The following ZNF697 variants were observed in gnomAD, a reference collection of about 807,000 sequenced individuals.
ZNF697 encodes zinc finger protein 697.
ZNF697 carries 23 observed loss-of-function variants against 32.4 expected under a neutral mutation model. The observed-to-expected ratio is 0.71, with a 90% CI of 0.51 to 1.01. The LOEUF is 1.01. Among genes scored for constraint, ZNF697 ranks in the 50% least tolerant of loss-of-function variants. ZNF697 has a pLI of 0.00. For missense variants in ZNF697, 930 were observed against 794.0 expected (o/e 1.17, Z -2.06); for synonymous variants, 418 against 337.2 (o/e 1.24, Z -2.62).
In ZNF697 at chr1:119,620,045, C is replaced by CACTT. The variant is rs1309873851; in HGVS notation, c.*2656_*2659dup. ...ACAACCTCCTGAATGCATTTAACCTCACTTAATGCAGGTAAGTTCCCTGAA... is the reference window on the plus strand; with the variant it reads ...ACAACCTCCTGAATGCATTTAACCTCACTTACTTAATGCAGGTAAGTTCCCTGAA... On this transcript the variant is annotated 3_prime_UTR_variant, in exon 3 of 3. Coordinates refer to ENST00000421812, the MANE Select transcript of ZNF697 (RefSeq NM_001080470.2). The CACTT allele has an allele frequency of 2.6e-5, 4 of 152,586 alleles. No individual in the cohort carries two copies. Among genetic ancestry groups the CACTT allele is most frequent in the African/African-American group, 9.7e-5 (4 of 41,424 alleles). The allele number at this position is 152,586 out of a possible 1,614,324, so 9.5% of individuals were successfully genotyped here.
chr1:119,636,834 C>G (rs145263862), intron 1 of ZNF697, among the ~76,000 whole-genome samples: 1 of 152,332 alleles, frequency 6.6e-6, no homozygotes, highest in East Asian at 1.9e-4. Context: ...TGATTTGGGT[C>G]TCCCAGCATC....
At chr1:119,634,340 T>G (rs943205968) in intron 1 of ZNF697, among the ~76,000 whole-genome samples, 2 of 152,200 alleles carry the variant, frequency 1.3e-5, no homozygotes, top group African/African-American at 4.8e-5. Flanking sequence ...AATAACTGTT[T>G]GGTGTTGTTG....
chr1:119,639,245 CT>C (rs1402115725), intron 1 of ZNF697, among the ~76,000 whole-genome samples: 2 of 152,102 alleles, frequency 1.3e-5, no homozygotes, highest in Admixed American at 6.6e-5. Context: ...TCACTTTTCT[CT>C]TTTTTTCAGT....
In ZNF697 at chr1:119,625,996, T is replaced by C; in HGVS notation, c.105A>G (p.Glu35=). 1 of 1,614,044 alleles carries C rather than the reference T, an allele frequency of 6.2e-7. No individual in the cohort carries two copies. The highest frequency in any genetic ancestry group is 8.5e-7 in the Non-Finnish European group (1 of 1,179,900). The part of the protein sequence containing the change: ...EDSEDREGDP[E]EREMGSNPHD... ...GTGGATTAGAGCCCATTTCTCTTTC[T>C]TCTGGGTCCCCTTCCCTGTCCTCAG... The change falls in exon 2 of 3, where the codon GAA becomes GAG. Residue 35 remains glutamate, a synonymous_variant. Coordinates refer to ENST00000421812, the MANE Select transcript of ZNF697 (RefSeq NM_001080470.2).
chr1:119,626,961 A>C (rs1327426316), intron 1 of ZNF697, among the ~76,000 whole-genome samples: 1 of 152,248 alleles, frequency 6.6e-6, no homozygotes, highest in African/African-American at 2.4e-5. Flanking sequence ...CCTCTACAGA[A>C]AAGGCCAACA....
At chr1:119,624,686 C>T (rs1008834640) in intron 2 of ZNF697, among the ~76,000 whole-genome samples, 1 of 152,132 alleles carries the variant, frequency 6.6e-6, no homozygotes, top group Non-Finnish European at 1.5e-5. Context: ...CCTCCGCCTC[C>T]TGGGTTCAAG....
chr1:119,626,333 AC>A (rs1415829356), intron 1 of ZNF697, among the ~76,000 whole-genome samples, 196 bp from the exon 2 acceptor site: 2 of 152,264 alleles, frequency 1.3e-5, no homozygotes, highest in Admixed American at 6.5e-5. Context: ...AACAGTGACA[AC>A]CTCACTATGA....
At chr1:119,633,278 A>C (rs1192321008) in intron 1 of ZNF697, among the ~76,000 whole-genome samples, 1 of 151,922 alleles carries the variant, frequency 6.6e-6, no homozygotes, top group Admixed American at 6.6e-5. Context: ...TAGCCAGATA[A>C]ATTGAGGACA....
In ZNF697 at chr1:119,627,195, A is replaced by C. The variant is rs186670757; in HGVS notation, c.-37-1058T>G. ...GAAGAGACTAGCTCTCTGCCTCAGC[A>C]GTCCCCAAACAGCAAGAACATGGCT... is the stretch of plus-strand genomic sequence containing the variant. On this transcript the variant is annotated intron_variant, in intron 1 of 2. Transcript: ENST00000421812. Among the ~76,000 whole-genome samples, 52 of 152,326 alleles carry C rather than the reference A, an allele frequency of 3.4e-4. No homozygotes were observed. In the East Asian group the frequency reaches 0.01, roughly 29 times the overall value.
rs1326303058 is a variant in ZNF697 at position 119,622,505 on chromosome 1, G to C, written c.*200C>G. ...GCATCTCCTGAACAATTCTTCCGTG[G>C]AGAGGAGGCAAGTATAGCACCGGGA... is the stretch of plus-strand genomic sequence containing the variant. On this transcript the variant is annotated 3_prime_UTR_variant, in exon 3 of 3. Coordinates refer to ENST00000421812, the MANE Select transcript of ZNF697 (RefSeq NM_001080470.2). 1 of 975,612 alleles carries C rather than the reference G, an allele frequency of 1.0e-6. No homozygotes were observed. The highest frequency in any genetic ancestry group is 1.4e-6 in the Non-Finnish European group (1 of 700,820). 60.4% of individuals were successfully genotyped at this position (975,612 alleles called of 1,614,324 possible).
chr1:119,642,581 T>C (rs2101096367), intron 1 of ZNF697, among the ~76,000 whole-genome samples: 1 of 152,280 alleles, frequency 6.6e-6, no homozygotes, highest in African/African-American at 2.4e-5. Context: ...GTAAGCTATC[T>C]TCCCCAGCTT....
At chr1:119,631,288 G>C (rs1360532957) in intron 1 of ZNF697, among the ~76,000 whole-genome samples, 2 of 152,266 alleles carry the variant, frequency 1.3e-5, no homozygotes, top group Admixed American at 1.3e-4. Flanking sequence ...GCGGACCTAA[G>C]CACCTTCCTA....
chr1:119,634,169 T>C (rs1648858101), intron 1 of ZNF697, among the ~76,000 whole-genome samples: 1 of 152,228 alleles, frequency 6.6e-6, no homozygotes, highest in East Asian at 1.9e-4. Context: ...TGTGATCATA[T>C]TTCCACTGTA....
chr1:119,641,031 A>G (rs1232784063), intron 1 of ZNF697, among the ~76,000 whole-genome samples: 1 of 152,244 alleles, frequency 6.6e-6, no homozygotes, highest in Non-Finnish European at 1.5e-5. Context: ...CTGGGAAACA[A>G]ATGAAGGCTC....
chr1:119,640,810 G>C (rs1649046720), intron 1 of ZNF697, among the ~76,000 whole-genome samples: 1 of 152,228 alleles, frequency 6.6e-6, no homozygotes, highest in Admixed American at 6.5e-5. Context: ...AGGCAGGGCA[G>C]GGAGTGCATT....
chr1:119,633,356 A>G (rs929174967), intron 1 of ZNF697, among the ~76,000 whole-genome samples: 7 of 143,138 alleles, frequency 4.9e-5, no homozygotes, highest in African/African-American at 1.8e-4. Flanking sequence ...AACCAATAGG[A>G]TGTGTGTGTG....
rs376187203 is a variant in ZNF697 at position 119,627,206 on chromosome 1, A to G, written c.-37-1069T>C. Among the ~76,000 whole-genome samples, 6 of 152,346 alleles carry G rather than the reference A, an allele frequency of 3.9e-5. No homozygotes were observed. The East Asian group carries it at 9.6e-4, about 24-fold the overall frequency. Reference sequence around the variant, plus strand: ...CTCTCTGCCTCAGCAGTCCCCAAACAGCAAGAACATGGCTGAGCAAGATGC... The same window carrying G: ...CTCTCTGCCTCAGCAGTCCCCAAACGGCAAGAACATGGCTGAGCAAGATGC... On this transcript the variant is annotated intron_variant, in intron 1 of 2. Coordinates refer to ENST00000421812, the MANE Select transcript of ZNF697 (RefSeq NM_001080470.2).
chr1:119,633,777 T>C (rs918175002), intron 1 of ZNF697, among the ~76,000 whole-genome samples: 26 of 152,244 alleles, frequency 1.7e-4, no homozygotes, highest in African/African-American at 7.2e-5. Flanking sequence ...AATTGCATCA[T>C]ATTTACGCAT....
chr1:119,641,786 C>T (rs945573649), intron 1 of ZNF697, among the ~76,000 whole-genome samples: 13 of 152,200 alleles, frequency 8.5e-5, no homozygotes, highest in African/African-American at 3.1e-4. Context: ...GCACTTCTCT[C>T]TTCTGCTGCC....
Sources: gnomAD v4.1 joint callset for allele counts (sites outside exome capture counted in the v4.1 genomes callset) on GRCh38, gnomAD v4.1.1 for gene constraint, MANE v1.5 for transcripts, NCBI Gene and HGNC (gene_info 2026-07-23, HGNC 2026-07-21) for gene names.